Variants in SLCO3A1 observed in about 807,000 individuals in gnomAD.
SLCO3A1 encodes the protein PGE1 transporter.
Under a neutral mutation model 63.1 loss-of-function variants are expected in SLCO3A1, and 27 were observed. The observed-to-expected ratio is 0.43, with a 90% CI of 0.32 to 0.59. The LOEUF (loss-of-function observed/expected upper bound fraction) is 0.59. Ranked by LOEUF, SLCO3A1 falls within the 20% of genes least tolerant of loss-of-function variation. The pLI, the probability that SLCO3A1 is intolerant of heterozygous loss-of-function variation, is 0.09. For missense variants in SLCO3A1, 773 were observed against 945.8 expected (o/e 0.82, Z 2.40); for synonymous variants, 473 against 409.9 (o/e 1.15, Z -1.86).
chr15:91,999,002 G>A (rs1011640348), intron 2 of SLCO3A1, among the ~76,000 whole-genome samples: 2 of 152,216 alleles, frequency 1.3e-5, no homozygotes, highest in Non-Finnish European at 2.9e-5. Flanking sequence ...TGGATGCAGC[G>A]GGAGGCCATT....
chr15:92,168,508 G>A (rs1392927219), downstream of SLCO3A1, among the ~76,000 whole-genome samples: 3 of 152,200 alleles, frequency 2.0e-5, no homozygotes, highest in African/African-American at 4.8e-5. Context: ...TACAAAGACC[G>A]TCGGTGACTG....
chr15:92,166,043 G>GT, downstream of SLCO3A1: 1 of 370,040 alleles, frequency 2.7e-6, no homozygotes. Flanking sequence ...TTTGGGTTTT[G>GT]TTTTGTTTTT....
At chr15:92,121,141 A>C (rs1169303638) in intron 5 of SLCO3A1, among the ~76,000 whole-genome samples, 1 of 152,220 alleles carries the variant, frequency 6.6e-6, no homozygotes, top group Non-Finnish European at 1.5e-5. Flanking sequence ...CATAGACTAC[A>C]GGTTTCTACT....
At chr15:92,029,788 G>A (rs1342453907) in intron 2 of SLCO3A1, among the ~76,000 whole-genome samples, 1 of 120,260 alleles carries the variant, frequency 8.3e-6, no homozygotes, top group African/African-American at 3.4e-5. Context: ...GGCTCCCAGT[G>A]CAGCTGAGGC....
At chr15:92,084,471 C>T (rs1198718801) in intron 2 of SLCO3A1, among the ~76,000 whole-genome samples, 1 of 152,176 alleles carries the variant, frequency 6.6e-6, no homozygotes, top group Non-Finnish European at 1.5e-5. Context: ...GTACCATGCT[C>T]ACAGACACAC....
intron 8 of SLCO3A1, among the ~76,000 whole-genome samples, chr15:92,148,019 C>T (rs564724773): frequency 9.9e-5 from 15 of 152,232 alleles, no homozygotes; most frequent in Admixed American, 7.8e-4. Context: ...GGGTTTGAGA[C>T]CAGCCTAGCC....
chr15:91,854,408 ACGG>A lies in SLCO3A1; in HGVS notation c.180+321_180+323del. ...TCTCCCCCCATAAGAGCGGAGCGAG[ACGG>A]TGAGTTCAGGGTTCTCCTTGGAGAG... On this transcript the variant is annotated intron_variant, in intron 1 of 9. Transcript: ENST00000318445. The surrounding 1 kb of genome is among the most constrained non-coding windows in gnomAD (Gnocchi z 6.4). The A allele has an allele frequency of 9.7e-7, 1 of 1,032,298 alleles. No individual in the cohort carries two copies. Among genetic ancestry groups the A allele is most frequent in the Non-Finnish European group, 1.2e-6 (1 of 857,908 alleles). 63.9% of individuals were successfully genotyped at this position (1,032,298 alleles called of 1,614,324 possible). A position where few individuals can be genotyped will look rare whatever the true frequency, so the allele number is the denominator to read the frequency against.
rs2048524377 is a variant in SLCO3A1 at position 92,171,981 on chromosome 15, C to G, written c.*119C>G. On this transcript the variant is annotated 3_prime_UTR_variant, in exon 11 of 11. Transcript: ENST00000424469. ...ACCCGAGGGTCCCCATGTGGATTAT[C>G]CAGCCAGTGTGTGGTCCTTTGAGGC... 3 of 746,696 alleles carry G rather than the reference C, an allele frequency of 4.0e-6. No individual in the cohort carries two copies. The South Asian group carries it at 4.8e-5, about 12-fold the overall frequency. 46.3% of individuals were successfully genotyped at this position (746,696 alleles called of 1,614,324 possible).
chr15:92,010,975 C>G (rs1238563247), intron 2 of SLCO3A1, among the ~76,000 whole-genome samples: 1 of 152,218 alleles, frequency 6.6e-6, no homozygotes, highest in Non-Finnish European at 1.5e-5. Flanking sequence ...CAGACTGTTC[C>G]CAGCACAGCA....
chr15:92,136,799 TCTGGATTTTTTA>T lies in SLCO3A1; in HGVS notation c.1512+8314_1512+8325del, dbSNP rs139505099. On this transcript the variant is annotated intron_variant, in intron 7 of 9. Coordinates refer to ENST00000318445, the MANE Select transcript of SLCO3A1 (RefSeq NM_013272.4). The stretch of plus-strand genomic sequence containing the variant: ...CTGTCCTTGGTTTCTTGTACATCCT[TCTGGATTTTTTA>T]CTGCACATAAAAGGCCCTATTCTGT... Among the ~76,000 whole-genome samples, 202 of 152,328 alleles carry T rather than the reference TCTGGATTTTTTA, an allele frequency of 1.3e-3. 1 individual carries two copies. The highest frequency in any genetic ancestry group is 0.01 in the Middle Eastern group (3 of 294).
At chr15:92,139,897 A>C (rs1383991764) in intron 7 of SLCO3A1, among the ~76,000 whole-genome samples, 1 of 149,232 alleles carries the variant, frequency 6.7e-6, no homozygotes, top group Non-Finnish European at 1.5e-5. Context: ...CTAGCGGTCT[A>C]TCAATTTTGT....
intron 2 of SLCO3A1, among the ~76,000 whole-genome samples, chr15:91,951,557 T>A (rs1339234377): frequency 6.8e-6 from 1 of 147,798 alleles, no homozygotes; most frequent in Admixed American, 6.6e-5. Flanking sequence ...TTTTTTCTTT[T>A]CTTTTTTTTT....
At chr15:92,073,571 A>T (rs1337594675) in intron 2 of SLCO3A1, among the ~76,000 whole-genome samples, 1 of 152,218 alleles carries the variant, frequency 6.6e-6, no homozygotes, top group Non-Finnish European at 1.5e-5. Flanking sequence ...TGAGCTCCCC[A>T]CATCCTTTCC....
intron 2 of SLCO3A1, among the ~76,000 whole-genome samples, chr15:91,980,855 A>G (rs144900327): frequency 1.6e-3 from 239 of 152,286 alleles, no homozygotes; most frequent in African/African-American, 5.6e-3. Context: ...GAAAGACTCC[A>G]GTGCACCGTG....
intron 2 of SLCO3A1, among the ~76,000 whole-genome samples, chr15:91,927,386 A>T (rs1481259378): frequency 6.6e-6 from 1 of 152,150 alleles, no homozygotes; most frequent in East Asian, 1.9e-4. Context: ...AAAATTTTCC[A>T]TGTGTTCTTA....
At chr15:92,065,156 C>T (rs2047135127) in intron 2 of SLCO3A1, among the ~76,000 whole-genome samples, 1 of 152,180 alleles carries the variant, frequency 6.6e-6, no homozygotes, top group South Asian at 2.1e-4. Context: ...GATCTCAGCT[C>T]ACTGCAACCT....
Position 92,062,972 on chromosome 15 carries a change from G to GGGAGTT in SLCO3A1, c.647-31906_647-31901dup, listed in dbSNP as rs564195722. ...TTGGAACCTCAGCATTTCTCAAAGT[G>GGGAGTT]GGAGTTGGTGAGAAGAAAAACCTTG... On this transcript the variant is annotated intron_variant, in intron 2 of 9. Coordinates refer to ENST00000318445, the MANE Select transcript of SLCO3A1 (RefSeq NM_013272.4). 7.9e-5 allele frequency among the ~76,000 whole-genome samples: 12 copies of GGGAGTT among 152,334 alleles called. No individual in the cohort carries two copies. The South Asian group carries it at 2.5e-3, about 32-fold the overall frequency.
Position 92,006,735 on chromosome 15 carries a change from C to G in SLCO3A1, c.647-88146C>G, listed in dbSNP as rs113737450. ...ATTTCCAGTGCCCCAAAAGACAAAACATAGTGAGCGTAATAAACAGGATAG... is the reference window on the plus strand; with the variant it reads ...ATTTCCAGTGCCCCAAAAGACAAAAGATAGTGAGCGTAATAAACAGGATAG... On this transcript the variant is annotated intron_variant, in intron 2 of 9. Transcript: ENST00000318445. Among the ~76,000 whole-genome samples, 873 of 152,312 alleles carry G rather than the reference C, an allele frequency of 5.7e-3. 17 individuals carry two copies. The highest frequency in any genetic ancestry group is 0.02 in the African/African-American group (832 of 41,580).
At chr15:91,866,856 T>C (rs1897178201) in intron 1 of SLCO3A1, among the ~76,000 whole-genome samples, 1 of 152,054 alleles carries the variant, frequency 6.6e-6, no homozygotes, top group African/African-American at 2.4e-5. Flanking sequence ...AGACTAAAAA[T>C]AGAAGCAAAG....
Sources: allele counts gnomAD v4.1 joint callset (sites outside exome capture counted in the v4.1 genomes callset), GRCh38; gene constraint gnomAD v4.1.1; non-coding constraint Gnocchi (gnomAD v3.1); transcripts MANE v1.5; gene names NCBI Gene and HGNC (gene_info 2026-07-23, HGNC 2026-07-21).